The following GYG1 variants were observed in gnomAD, a reference collection of about 807,000 sequenced individuals.
GYG1 encodes the protein glycogenin 1.
A neutral mutation model predicts 41.9 loss-of-function variants in GYG1; 44 were observed. That is an observed-to-expected ratio of 1.05 (90% CI 0.83 to 1.35). The LOEUF (loss-of-function observed/expected upper bound fraction) is 1.35. Ranked by LOEUF, GYG1 falls within the 40% of genes most tolerant of loss-of-function variation. The pLI, the probability that GYG1 is intolerant of heterozygous loss-of-function variation, is 0.00. For missense variants in GYG1, 429 were observed against 418.9 expected (o/e 1.02, Z -0.21); for synonymous variants, 141 against 158.1 (o/e 0.89, Z 0.81).
intron 4 of GYG1, among the ~76,000 whole-genome samples, chr3:149,003,413 G>A (rs1393390306): frequency 6.6e-6 from 1 of 152,108 alleles, no homozygotes; most frequent in Admixed American, 6.6e-5. Flanking sequence ...ACCGTGCCTG[G>A]ACTTTTACTT....
intron 1 of GYG1, among the ~76,000 whole-genome samples, chr3:148,993,177 T>A (rs1027509912): frequency 6.6e-6 from 1 of 151,936 alleles, no homozygotes; most frequent in Non-Finnish European, 1.5e-5. Flanking sequence ...AGGGAATGAC[T>A]GGAGAAATCT....
rs1391342908 is a variant in GYG1, at chr3:149,031,326, TC to T, written c.*4395del. ...ACTTTGGAGATCATCCAGCCCAACT[TC>T]CATCCAGATATCACGCCTCTCACAT... is the stretch of plus-strand genomic sequence containing the variant. On this transcript the variant is annotated 3_prime_UTR_variant, in exon 8 of 8. Transcript: ENST00000345003. 1 of 152,574 alleles carries T rather than the reference TC, an allele frequency of 6.6e-6. No homozygotes were observed. Among genetic ancestry groups the T allele is most frequent in the Non-Finnish European group, 1.5e-5 (1 of 68,030 alleles). 9.5% of individuals were successfully genotyped at this position (152,574 alleles called of 1,614,324 possible). A position where few individuals can be genotyped will look rare whatever the true frequency, so the allele number is the denominator to read the frequency against.
At chr3:149,011,777 G>A (rs1464639156) in intron 5 of GYG1, among the ~76,000 whole-genome samples, 5 of 152,150 alleles carry the variant, frequency 3.3e-5, no homozygotes, top group Admixed American at 2.6e-4. Flanking sequence ...CAATGAATGA[G>A]TGCTAATTTT....
intron 6 of GYG1, 28 bp from the exon 7 acceptor site, chr3:149,026,424 C>G (rs767937827): frequency 6.8e-7 from 1 of 1,470,728 alleles, no homozygotes; most frequent in Non-Finnish European, 9.5e-7. Flanking sequence ...GCCCATCCAT[C>G]TTACACTTTC....
rs1439866695 is a variant in GYG1 at position 149,009,289 on chromosome 3, C to T, written c.495C>T (p.Gly165=). The T allele has an allele frequency of 1.9e-6, 3 of 1,612,202 alleles. No homozygotes were observed. Among genetic ancestry groups the T allele is most frequent in the South Asian group, 1.1e-5 (1 of 91,044 alleles). The change falls in exon 5 of 8, where the codon GGC becomes GGT. Residue 165 remains glycine, a synonymous_variant. Transcript: ENST00000345003. ...EQGSFDGGDQ[G]ILNTFFSSWA... ...TTTTTCTTTTAGGTGGGGACCAAGG[C>T]ATACTGAACACATTTTTTAGCAGCT...
Position 149,027,211 on chromosome 3 carries a change from C to A in GYG1, c.*278C>A. The stretch of plus-strand genomic sequence containing the variant: ...GCCAACATACAAAGTAAGGGAAACT[C>A]AAGATATTAAGATGGCTGTATCAGT... On this transcript the variant is annotated 3_prime_UTR_variant, in exon 8 of 8. Transcript: ENST00000345003. 2.1e-6 allele frequency: 1 copy of A among 477,332 alleles called. No homozygotes were observed. Among genetic ancestry groups the A allele is most frequent in the South Asian group, 2.7e-5 (1 of 36,900 alleles). The allele number at this position is 477,332 out of a possible 1,614,324, so 29.6% of individuals were successfully genotyped here. A position where few individuals can be genotyped will look rare whatever the true frequency, so the allele number is the denominator to read the frequency against.
intron 5 of GYG1, among the ~76,000 whole-genome samples, chr3:149,012,997 T>TTGTGTGTGTGTGTGTGTGTGTGTGTGTG (rs10575910): frequency 9.9e-5 from 14 of 141,462 alleles, no homozygotes; most frequent in Admixed American, 4.2e-4. Flanking sequence ...CTCAGTTAAT[T>TTGTGTGTGTGTGTGTGTGTGTGTGTGTG]TGTGTGTGTG....
At chr3:149,011,895 A>T (rs116165722) in intron 5 of GYG1, among the ~76,000 whole-genome samples, 2,705 of 152,174 alleles carry the variant, frequency 0.018, 84 homozygotes, top group African/African-American at 0.062. Flanking sequence ...CCGGCTGGAG[A>T]TGCTGCTGCT....
At chr3:149,011,063 T>G (rs1317195111) in intron 5 of GYG1, among the ~76,000 whole-genome samples, 3 of 152,208 alleles carry the variant, frequency 2.0e-5, no homozygotes, top group Non-Finnish European at 2.9e-5. Flanking sequence ...ACTGTTCCCT[T>G]GGTATATGTC....
At chr3:149,014,741 G>A (rs1713924104) in intron 5 of GYG1, among the ~76,000 whole-genome samples, 1 of 151,922 alleles carries the variant, frequency 6.6e-6, no homozygotes, top group Non-Finnish European at 1.5e-5. Flanking sequence ...AGTGGTGCAT[G>A]CCTGTAATCC....
At chr3:149,006,874 T>A (rs1011152945) in intron 4 of GYG1, among the ~76,000 whole-genome samples, 1 of 152,256 alleles carries the variant, frequency 6.6e-6, no homozygotes, top group South Asian at 2.1e-4. Context: ...CATGATGTTT[T>A]GGCTTTGATA....
chr3:148,992,214 C>G (rs1350220501), intron 1 of GYG1, among the ~76,000 whole-genome samples: 1 of 152,262 alleles, frequency 6.6e-6, no homozygotes, highest in East Asian at 1.9e-4. Flanking sequence ...TCCCCGGGCG[C>G]GAGCCCCGTC....
At chr3:148,996,979 A>T in intron 4 of GYG1, 75 bp downstream of exon 4, 1 of 1,119,488 alleles carries the variant, frequency 8.9e-7, no homozygotes, top group African/African-American at 1.5e-5. Context: ...CAGGAATATA[A>T]TTGCTGTGGT....
chr3:149,019,814 C>A (rs542163962), intron 5 of GYG1, among the ~76,000 whole-genome samples: 7 of 152,330 alleles, frequency 4.6e-5, no homozygotes, highest in African/African-American at 1.7e-4. Context: ...AGGCCACAGG[C>A]CATATGGAGA....
At chr3:149,000,383 G>A (rs1348666311) in intron 4 of GYG1, among the ~76,000 whole-genome samples, 1 of 152,190 alleles carries the variant, frequency 6.6e-6, no homozygotes, top group East Asian at 1.9e-4. Flanking sequence ...TTGTGAAATA[G>A]TTCTACACTA....
At chr3:148,999,071 A>T (rs1712959442) in intron 4 of GYG1, among the ~76,000 whole-genome samples, 2 of 152,260 alleles carry the variant, frequency 1.3e-5, no homozygotes, top group African/African-American at 4.8e-5. Flanking sequence ...GACTTTGATT[A>T]CCAAACAGTA....
chr3:149,011,417 G>A (rs1012530657), intron 5 of GYG1, among the ~76,000 whole-genome samples: 5 of 152,208 alleles, frequency 3.3e-5, no homozygotes, highest in Admixed American at 2.6e-4. Context: ...AGTTGACAGT[G>A]CAGAGGAGAA....
intron 5 of GYG1, among the ~76,000 whole-genome samples, chr3:149,022,009 C>T (rs1451231761): frequency 1.3e-5 from 2 of 152,178 alleles, no homozygotes; most frequent in Non-Finnish European, 2.9e-5. Flanking sequence ...CCTGCCATTG[C>T]CTGTCTGGAA....
At chr3:149,000,173 G>A (rs1048538553) in intron 4 of GYG1, among the ~76,000 whole-genome samples, 15 of 152,140 alleles carry the variant, frequency 9.9e-5, no homozygotes, top group African/African-American at 3.4e-4. Context: ...CAAACCATAC[G>A]AGGTACCTGG....
Sources: allele counts gnomAD v4.1 joint callset (sites outside exome capture counted in the v4.1 genomes callset), GRCh38; gene constraint gnomAD v4.1.1; transcripts MANE v1.5; gene names NCBI Gene and HGNC (gene_info 2026-07-23, HGNC 2026-07-21).